The following MDGA2 variants were observed in gnomAD, a reference collection of about 807,000 sequenced individuals.
The protein encoded by MDGA2 is MAM domain-containing glycosylphosphatidylinositol anchor protein 2.
A neutral mutation model predicts 117.8 loss-of-function variants in MDGA2; 40 were observed. The observed-to-expected ratio is 0.34, with a 90% CI of 0.26 to 0.44. MDGA2 has a LOEUF of 0.44. Ranked by LOEUF, MDGA2 falls within the 20% of genes least tolerant of loss-of-function variation. MDGA2 has a pLI of 1.00. For synonymous variants in MDGA2, 452 were observed against 439.0 expected, an observed-to-expected ratio of 1.03 and a Z score of -0.37; for missense variants, 1,123 against 1,250.6, an observed-to-expected ratio of 0.90 and a Z score of 1.54.
chr14:47,639,636 T>A (rs1055868225), intron 1 of MDGA2, among the ~76,000 whole-genome samples: 2 of 152,172 alleles, frequency 1.3e-5, no homozygotes, highest in Non-Finnish European at 2.9e-5. Flanking sequence ...TTTTTATTCT[T>A]CTTTTATTTA....
At chr14:47,017,673 T>TA (rs1054500615) in intron 8 of MDGA2, among the ~76,000 whole-genome samples, 6 of 151,704 alleles carry the variant, frequency 4.0e-5, no homozygotes, top group Admixed American at 1.3e-4. Flanking sequence ...AAATACAGAT[T>TA]AAAAAAAATT....
At chr14:47,275,243 G>C (rs75617455) in intron 2 of MDGA2, among the ~76,000 whole-genome samples, 4 of 152,154 alleles carry the variant, frequency 2.6e-5, no homozygotes, top group Non-Finnish European at 4.4e-5. Flanking sequence ...ATGATATACT[G>C]TGAATTCCTC....
intron 1 of MDGA2, among the ~76,000 whole-genome samples, chr14:47,319,364 T>A (rs1393038810): frequency 6.6e-6 from 1 of 152,216 alleles, no homozygotes; most frequent in Non-Finnish European, 1.5e-5. Context: ...TGCAAAATTA[T>A]ATTTGTTTTC....
At chr14:47,539,788 G>A (rs1335984084) in intron 1 of MDGA2, among the ~76,000 whole-genome samples, 1 of 152,154 alleles carries the variant, frequency 6.6e-6, no homozygotes, top group African/African-American at 2.4e-5. Context: ...GTTATATATG[G>A]TTCATACCAC....
chr14:47,068,755 AATTC>A (rs1339396368), intron 6 of MDGA2, among the ~76,000 whole-genome samples: 2 of 152,198 alleles, frequency 1.3e-5, no homozygotes, highest in Non-Finnish European at 2.9e-5. Context: ...TACAAAATAT[AATTC>A]ATTTGAAATC....
At chr14:47,019,168 A>G (rs903119280) in intron 8 of MDGA2, among the ~76,000 whole-genome samples, 45 of 152,222 alleles carry the variant, frequency 3.0e-4, no homozygotes, top group African/African-American at 1.0e-3. Context: ...TATGAAAAAT[A>G]GTTTCATTAC....
At chr14:47,271,379 T>C (rs1009854852) in intron 2 of MDGA2, among the ~76,000 whole-genome samples, 6 of 152,200 alleles carry the variant, frequency 3.9e-5, no homozygotes, top group Non-Finnish European at 8.8e-5. Flanking sequence ...ACTAAGAGTT[T>C]GCATGTGTTT....
intron 5 of MDGA2, among the ~76,000 whole-genome samples, chr14:47,103,871 A>G (rs896784837): frequency 6.6e-6 from 1 of 152,206 alleles, no homozygotes; most frequent in African/African-American, 2.4e-5. Context: ...CCATTCATTC[A>G]TAAGTATTTC....
intron 1 of MDGA2, among the ~76,000 whole-genome samples, chr14:47,307,526 C>T (rs940972099): frequency 6.6e-6 from 1 of 151,910 alleles, no homozygotes; most frequent in Non-Finnish European, 1.5e-5. Context: ...ACTGGAAATA[C>T]AAAAATTAGC....
intron 5 of MDGA2, among the ~76,000 whole-genome samples, chr14:47,111,498 A>G (rs1218685669): frequency 2.6e-5 from 4 of 152,156 alleles, no homozygotes; most frequent in Non-Finnish European, 1.5e-5. Flanking sequence ...AGAAATATTC[A>G]CCATCCAAAA....
At chr14:47,491,621 T>C (rs573914931) in intron 1 of MDGA2, among the ~76,000 whole-genome samples, 3 of 152,270 alleles carry the variant, frequency 2.0e-5, no homozygotes, top group East Asian at 1.9e-4. Flanking sequence ...GTAGTTGTTT[T>C]GTTTTTGCTT....
intron 1 of MDGA2, among the ~76,000 whole-genome samples, chr14:47,409,091 T>C (rs547663203): frequency 1.2e-4 from 18 of 152,250 alleles, no homozygotes; most frequent in African/African-American, 4.1e-4. Flanking sequence ...GACTGGATCA[T>C]GGCCCTTGGA....
chr14:47,480,201 C>G (rs1365871622), intron 1 of MDGA2, among the ~76,000 whole-genome samples: 1 of 151,982 alleles, frequency 6.6e-6, no homozygotes, highest in African/African-American at 2.4e-5. Context: ...CATAATCACA[C>G]AAAATCAAAC....
At chr14:47,457,973 AT>A (rs1363708338) in intron 1 of MDGA2, among the ~76,000 whole-genome samples, 1 of 150,138 alleles carries the variant, frequency 6.7e-6, no homozygotes, top group Non-Finnish European at 1.5e-5. Flanking sequence ...AATTAATTTA[AT>A]TTTTTATCTT....
At chr14:47,169,090 G>A (rs12435901) in intron 3 of MDGA2, among the ~76,000 whole-genome samples, 13,759 of 151,824 alleles carry the variant, frequency 0.091, 732 homozygotes, top group Admixed American at 0.17. Context: ...AGTTTCATAT[G>A]AACTTACCAA....
At chr14:47,396,799 C>T (rs1197439078) in intron 1 of MDGA2, among the ~76,000 whole-genome samples, 1 of 152,108 alleles carries the variant, frequency 6.6e-6, no homozygotes, top group Non-Finnish European at 1.5e-5. Context: ...CATCTCATGC[C>T]GGTTAGAATG....
At chr14:46,968,362 A>C (rs558911479) in intron 8 of MDGA2, among the ~76,000 whole-genome samples, 1 of 152,296 alleles carries the variant, frequency 6.6e-6, no homozygotes, top group South Asian at 2.1e-4. Context: ...ATCCCAAAAA[A>C]ATATAACCAC....
At chr14:47,513,242 C>T (rs1217664161) in intron 1 of MDGA2, among the ~76,000 whole-genome samples, 4 of 152,194 alleles carry the variant, frequency 2.6e-5, no homozygotes, top group East Asian at 1.9e-4. Context: ...AGTCTAATTG[C>T]TCAAATGTTT....
intron 1 of MDGA2, among the ~76,000 whole-genome samples, chr14:47,544,591 T>G (rs1162750144): frequency 1.3e-5 from 2 of 152,162 alleles, no homozygotes; most frequent in African/African-American, 2.4e-5. Context: ...TGCTATTGGT[T>G]GGTTTATTTT....
Sources: gnomAD v4.1 joint callset for allele counts (sites outside exome capture counted in the v4.1 genomes callset) on GRCh38, gnomAD v4.1.1 for gene constraint, MANE v1.5 for transcripts, NCBI Gene and HGNC (gene_info 2026-07-23, HGNC 2026-07-21) for gene names.